PRDM16: variants seen among roughly 807,000 people sequenced by gnomAD.
The protein encoded by PRDM16 is PR/SET domain 16.
A neutral mutation model predicts 110.6 loss-of-function variants in PRDM16; 23 were observed. The ratio of observed to expected loss-of-function variants is 0.21; its 90% confidence interval spans 0.15 to 0.29. The LOEUF is 0.29. Ranked by LOEUF, PRDM16 falls within the 10% of genes least tolerant of loss-of-function variation. The pLI is 1.00. For missense variants in PRDM16, 1,615 were observed against 1,794.3 expected (o/e 0.90, Z 1.81); for synonymous variants, 799 against 781.8 (o/e 1.02, Z -0.37).
At chr1:3,280,457 C>T (rs747277203) in intron 3 of PRDM16, among the ~76,000 whole-genome samples, 3 of 152,240 alleles carry the variant, frequency 2.0e-5, no homozygotes, top group Non-Finnish European at 4.4e-5. Flanking sequence ...CCCACCCTTA[C>T]TGCCAGCGTC....
At chr1:3,198,139 A>G (rs2100821730) in intron 2 of PRDM16, among the ~76,000 whole-genome samples, 1 of 152,260 alleles carries the variant, frequency 6.6e-6, no homozygotes, top group Middle Eastern at 3.4e-3. Context: ...CGCGGGTAGA[A>G]TCTGCTCGGG....
At position 3,353,659 on chromosome 1, in the gene PRDM16, C is replaced by T. The variant is rs1156889234; in HGVS notation, c.439-31493C>T. 6.6e-6 allele frequency among the ~76,000 whole-genome samples: 1 copy of T among 152,182 alleles called. No individual in the cohort carries two copies. The highest frequency in any genetic ancestry group is 1.5e-5 in the Non-Finnish European group (1 of 68,028). ...ATTGACTCAGGCCACCTCACTGCAC[C>T]CACAGGCTTTGCAGAGAGAACAGGA... On this transcript the variant is annotated intron_variant, in intron 3 of 16. Coordinates refer to ENST00000270722, the MANE Select transcript of PRDM16 (RefSeq NM_022114.4). This position sits in a 1 kb window ranked among gnomAD's most constrained non-coding sequence, Gnocchi z 5.4.
intron 5 of PRDM16, among the ~76,000 whole-genome samples, chr1:3,397,550 G>A (rs543638812): frequency 8.5e-5 from 13 of 152,366 alleles, no homozygotes; most frequent in Non-Finnish European, 1.5e-4. Flanking sequence ...GCTCCACGCC[G>A]GTCCCTCTGA....
At chr1:3,139,165 C>T (rs1006341452) in intron 1 of PRDM16, among the ~76,000 whole-genome samples, 2 of 152,154 alleles carry the variant, frequency 1.3e-5, no homozygotes, top group Non-Finnish European at 1.5e-5. Context: ...TCAGAGCGGA[C>T]GGTTGCTTCA....
intron 1 of PRDM16, among the ~76,000 whole-genome samples, chr1:3,113,399 C>T (rs1203581200): frequency 1.2e-4 from 18 of 147,132 alleles, no homozygotes; most frequent in Admixed American, 1.0e-3. Context: ...CAGTCCTCAG[C>T]TGGGCAGGGG....
intron 3 of PRDM16, among the ~76,000 whole-genome samples, chr1:3,254,545 T>C (rs61691507): frequency 0.41 from 62,540 of 152,008 alleles, 15,518 homozygotes; most frequent in East Asian, 0.59. Context: ...ATGAGTGAAT[T>C]CCCATTCACA....
chr1:3,426,347 T>TG, intron 14 of PRDM16, 122 bp downstream of exon 14: 1 of 735,794 alleles, frequency 1.4e-6, no homozygotes, highest in South Asian at 2.0e-5. Context: ...ATAGGCGCAG[T>TG]GGGGGCCTCA....
rs571989274 is a variant in PRDM16 at position 3,390,513 on chromosome 1, C to T, written c.573+5227C>T. 2.0e-5 allele frequency among the ~76,000 whole-genome samples: 3 copies of T among 152,288 alleles called. No homozygotes were observed. In the East Asian group the frequency reaches 5.8e-4, roughly 30 times the overall value. ...GGGGCAGAGCAGGGGTCCCGGCGCC[C>T]GCCGTGGAGCAGCACAGCCCCTCCA... On this transcript the variant is annotated intron_variant, in intron 4 of 16. Transcript: ENST00000270722. This position sits in a 1 kb window ranked among gnomAD's most constrained non-coding sequence, Gnocchi z 5.0.
At chr1:3,204,348 G>A (rs1456100440) in intron 2 of PRDM16, among the ~76,000 whole-genome samples, 1 of 151,850 alleles carries the variant, frequency 6.6e-6, no homozygotes, top group Non-Finnish European at 1.5e-5. Context: ...ACAACTTTCA[G>A]ACAGAAAAAA....
At chr1:3,187,217 C>T (rs1242988724) in intron 2 of PRDM16, among the ~76,000 whole-genome samples, 1 of 152,078 alleles carries the variant, frequency 6.6e-6, no homozygotes, top group Non-Finnish European at 1.5e-5. Flanking sequence ...ACAGCCCCAC[C>T]CCCCCACAAA....
Position 3,431,884 on chromosome 1 carries a change from G to A in PRDM16, c.3522-82G>A, listed in dbSNP as rs1417023522. 7 of 1,455,092 alleles carry A rather than the reference G, an allele frequency of 4.8e-6. No individual in the cohort carries two copies. In the East Asian group the frequency reaches 1.6e-4, roughly 33 times the overall value. 90.1% of individuals were successfully genotyped at this position (1,455,092 alleles called of 1,614,324 possible). ...ATGCAGCGGCGTGCATGCAGGCCCG[G>A]AGCTGGGCTTGCAGCATCAGAGAGG... On this transcript the variant is annotated intron_variant, in intron 15 of 16. Transcript: ENST00000270722.
At chr1:3,178,290 C>T (rs898365112) in intron 1 of PRDM16, among the ~76,000 whole-genome samples, 8 of 152,142 alleles carry the variant, frequency 5.3e-5, no homozygotes, top group South Asian at 2.1e-4. Flanking sequence ...AGGTAAGGGG[C>T]GTCTCGAACA....
chr1:3,297,467 A>G (rs1439181725), intron 3 of PRDM16, among the ~76,000 whole-genome samples: 1 of 151,992 alleles, frequency 6.6e-6, no homozygotes. Flanking sequence ...TATCTTTAGT[A>G]GAGACGGGGT....
chr1:3,298,486 T>A (rs1311452490), intron 3 of PRDM16, among the ~76,000 whole-genome samples: 5 of 152,300 alleles, frequency 3.3e-5, no homozygotes, highest in Admixed American at 3.3e-4. Flanking sequence ...TAGTTTTAAT[T>A]AAGTTACATT....
At chr1:3,211,183 G>T (rs1638874670) in intron 2 of PRDM16, among the ~76,000 whole-genome samples, 1 of 152,168 alleles carries the variant, frequency 6.6e-6, no homozygotes, top group East Asian at 1.9e-4. Flanking sequence ...TGCACTCATG[G>T]ACACTTGCTT....
intron 3 of PRDM16, among the ~76,000 whole-genome samples, chr1:3,249,314 G>T (rs1229566393): frequency 6.6e-6 from 1 of 152,142 alleles, no homozygotes; most frequent in Non-Finnish European, 1.5e-5. Flanking sequence ...TGCTATGCAT[G>T]CATCGGGCTC....
chr1:3,313,280 A>G (rs985483686), intron 3 of PRDM16, among the ~76,000 whole-genome samples: 1 of 152,226 alleles, frequency 6.6e-6, no homozygotes. Flanking sequence ...GCGGAGCTGG[A>G]GCCCCACTCG....
Position 3,437,035 on chromosome 1 carries a change from TTCC to T in PRDM16, c.*3230_*3232del, listed in dbSNP as rs1417378656. 4.3e-6 allele frequency: 1 copy of T among 232,602 alleles called. No individual in the cohort carries two copies. The highest frequency in any genetic ancestry group is 8.5e-6 in the Non-Finnish European group (1 of 117,784). The allele number at this position is 232,602 out of a possible 1,614,324, so 14.4% of individuals were successfully genotyped here. On this transcript the variant is annotated 3_prime_UTR_variant, in exon 17 of 17. Coordinates refer to ENST00000270722, the MANE Select transcript of PRDM16 (RefSeq NM_022114.4). The stretch of plus-strand genomic sequence containing the variant: ...TCATCCCCAGGTTGGGCACGTGGGG[TTCC>T]TCCTCTGTGGGCCTGGCAGACCCTT...
intron 2 of PRDM16, among the ~76,000 whole-genome samples, chr1:3,203,941 C>G (rs1304920339): frequency 6.6e-6 from 1 of 152,164 alleles, no homozygotes; most frequent in Non-Finnish European, 1.5e-5. Context: ...CCAGTGCACA[C>G]CTGGTCCCCA....
Sources: allele counts gnomAD v4.1 joint callset (sites outside exome capture counted in the v4.1 genomes callset), GRCh38; gene constraint gnomAD v4.1.1; non-coding constraint Gnocchi (gnomAD v3.1); transcripts MANE v1.5; gene names NCBI Gene and HGNC (gene_info 2026-07-23, HGNC 2026-07-21).